Variants in ADAMTS18 observed in about 807,000 individuals in gnomAD.
The protein encoded by ADAMTS18 is A disintegrin and metalloproteinase with thrombospondin motifs 18.
In ADAMTS18, 157 loss-of-function variants were observed where a neutral mutation model predicts 165.9. The observed-to-expected ratio is 0.95, with a 90% CI of 0.83 to 1.08. The LOEUF is 1.08. Among genes scored for constraint, ADAMTS18 ranks in the 50% least tolerant of loss-of-function variants. The probability of loss-of-function intolerance (pLI) is 0.00; values close to 1 mark genes in which losing one functional copy is unlikely to be tolerated. For missense variants in ADAMTS18, 2,040 were observed against 1,534.0 expected (o/e 1.33, Z -5.51); for synonymous variants, 782 against 578.2 (o/e 1.35, Z -5.06).
At chr16:77,413,966 T>C (rs975636977) in intron 3 of ADAMTS18, among the ~76,000 whole-genome samples, 1 of 152,184 alleles carries the variant, frequency 6.6e-6, no homozygotes, top group African/African-American at 2.4e-5. Flanking sequence ...AATTCAGTTT[T>C]TGCCATCAGA....
chr16:77,403,009 C>T (rs2057350260), intron 3 of ADAMTS18, among the ~76,000 whole-genome samples: 1 of 152,184 alleles, frequency 6.6e-6, no homozygotes, highest in Admixed American at 6.5e-5. Context: ...CCATAAATTA[C>T]AACAAACAGT....
At chr16:77,370,658 G>C (rs530456333) in intron 3 of ADAMTS18, among the ~76,000 whole-genome samples, 35 of 152,280 alleles carry the variant, frequency 2.3e-4, no homozygotes, top group Middle Eastern at 6.8e-3. Context: ...GCTGAGACAG[G>C]AGAATCGCTT....
intron 7 of ADAMTS18, 81 bp from the exon 8 acceptor site, chr16:77,359,504 T>C: frequency 1.7e-6 from 2 of 1,206,714 alleles, no homozygotes; most frequent in East Asian, 4.9e-5. Flanking sequence ...CTCAAAATGT[T>C]CTACACAGTT....
intron 3 of ADAMTS18, among the ~76,000 whole-genome samples, chr16:77,391,021 T>C (rs1423012524): frequency 6.6e-6 from 1 of 152,160 alleles, no homozygotes; most frequent in African/African-American, 2.4e-5. Context: ...CTCTATCCAA[T>C]CTCAATTGTG....
intron 3 of ADAMTS18, among the ~76,000 whole-genome samples, chr16:77,379,661 T>C (rs1361591302): frequency 6.6e-6 from 1 of 152,124 alleles, no homozygotes; most frequent in Non-Finnish European, 1.5e-5. Flanking sequence ...GCTAATATTT[T>C]GTATTTTTTG....
chr16:77,332,063 G>A (rs901048494), intron 12 of ADAMTS18, among the ~76,000 whole-genome samples: 9 of 152,116 alleles, frequency 5.9e-5, no homozygotes, highest in African/African-American at 1.9e-4. Flanking sequence ...TAACTCAGTT[G>A]ACATAGGTAC....
rs921872189 is a variant in ADAMTS18 at position 77,336,435 on chromosome 16, A to T, written c.1711-531T>A. ...ATAAAATAGATACAATTACACATAC[A>T]TTATATTTTTGCTTATTCCAAACCC... On this transcript the variant is annotated intron_variant, in intron 11 of 22. Transcript: ENST00000282849. Among the ~76,000 whole-genome samples the T allele has an allele frequency of 6.2e-4, 95 of 152,200 alleles. 1 individual carries two copies. Among genetic ancestry groups the T allele is most frequent in the Non-Finnish European group, 1.0e-4 (7 of 68,030 alleles).
chr16:77,371,376 T>A (rs1388518688), intron 3 of ADAMTS18, among the ~76,000 whole-genome samples: 1 of 151,966 alleles, frequency 6.6e-6, no homozygotes. Flanking sequence ...TTACTCAACT[T>A]TGAAATATAC....
intron 16 of ADAMTS18, among the ~76,000 whole-genome samples, 172 bp downstream of exon 16, chr16:77,319,677 A>C (rs2144636195): frequency 6.6e-6 from 1 of 152,240 alleles, no homozygotes; most frequent in Non-Finnish European, 1.5e-5. Flanking sequence ...TCCTGCCCTC[A>C]GCTGATCCGC....
At chr16:77,390,479 C>G (rs150486066) in intron 3 of ADAMTS18, among the ~76,000 whole-genome samples, 1 of 152,046 alleles carries the variant, frequency 6.6e-6, no homozygotes, top group South Asian at 2.1e-4. Flanking sequence ...ATCACAAGGT[C>G]AGGAGTTTGA....
intron 3 of ADAMTS18, among the ~76,000 whole-genome samples, chr16:77,385,815 T>A (rs1645371531): frequency 6.6e-6 from 1 of 152,282 alleles, no homozygotes; most frequent in Middle Eastern, 3.4e-3. Flanking sequence ...TCCCAATTTT[T>A]TCTCAGTTAT....
At chr16:77,385,082 G>A (rs2057087936) in intron 3 of ADAMTS18, among the ~76,000 whole-genome samples, 1 of 151,686 alleles carries the variant, frequency 6.6e-6, no homozygotes, top group Non-Finnish European at 1.5e-5. Context: ...CTAATTTTTG[G>A]ATTTTCAGTA....
At chr16:77,402,940 G>A (rs1030542931) in intron 3 of ADAMTS18, among the ~76,000 whole-genome samples, 1 of 152,128 alleles carries the variant, frequency 6.6e-6, no homozygotes, top group African/African-American at 2.4e-5. Flanking sequence ...AAATACACAT[G>A]GAGCAACTGC....
At chr16:77,432,432 G>C (rs1447505373) in intron 2 of ADAMTS18, 2 of 152,160 alleles carry the variant, frequency 1.3e-5, no homozygotes, top group Non-Finnish European at 2.9e-5. Context: ...CTGCTCCCTA[G>C]AGCAGTACTA....
rs189842978 is a variant in ADAMTS18, at chr16:77,400,516, C to G, written c.495+30779G>C. Among the ~76,000 whole-genome samples, 90 of 146,812 alleles carry G rather than the reference C, an allele frequency of 6.1e-4. 1 individual carries two copies. Among genetic ancestry groups the G allele is most frequent in the African/African-American group, 2.0e-3 (80 of 39,720 alleles). On this transcript the variant is annotated intron_variant, in intron 3 of 22. Transcript: ENST00000282849. The stretch of plus-strand genomic sequence containing the variant: ...TTTTTTTTTGAGACGGAGTCTCGCT[C>G]TGTCGCCCAGGCTGGAGCGCAGTGG...
chr16:77,329,932 T>A lies in ADAMTS18; in HGVS notation c.1860-3894A>T, dbSNP rs147334815. ...CCATCATTTGCTTCTGCATCATTTA[T>A]CAAGTCCTGACTACAAATAGTTACA... On this transcript the variant is annotated intron_variant, in intron 12 of 22. Coordinates refer to ENST00000282849, the MANE Select transcript of ADAMTS18 (RefSeq NM_199355.4). Among the ~76,000 whole-genome samples the A allele has an allele frequency of 2.3e-3, 355 of 152,330 alleles. 4 individuals carry two copies. Among genetic ancestry groups the A allele is most frequent in the African/African-American group, 7.4e-3 (306 of 41,578 alleles).
At chr16:77,367,296 G>C (rs1597179679) in intron 4 of ADAMTS18, 145 bp downstream of exon 4, 2 of 840,030 alleles carry the variant, frequency 2.4e-6, no homozygotes. Context: ...GCATTTGCCT[G>C]AGAGAGATAA....
At position 77,434,627 on chromosome 16, in the gene ADAMTS18, C is replaced by T. The variant is rs538542269; in HGVS notation, c.69G>A (p.Ala23=). The stretch of plus-strand genomic sequence containing the variant: ...CTGCCTTGGCCACGCGCCCCAGTCC[C>T]GCCAGGCCCCTCGGCGGGCCCGAAC... ...AAGSGPPRGL[A]GLGRVAKALQ... The change falls in exon 1 of 23, where the codon GCG becomes GCA. Residue 23 remains alanine (A), a synonymous_variant. Coordinates refer to ENST00000282849, the MANE Select transcript of ADAMTS18 (RefSeq NM_199355.4). 3.5e-4 allele frequency: 523 copies of T among 1,492,014 alleles called. No individual in the cohort carries two copies. The highest frequency in any genetic ancestry group is 4.4e-4 in the Non-Finnish European group (496 of 1,128,336). 92.4% of individuals were successfully genotyped at this position (1,492,014 alleles called of 1,614,324 possible).
chr16:77,305,488 G>A (rs912565528), intron 16 of ADAMTS18, among the ~76,000 whole-genome samples: 1 of 152,206 alleles, frequency 6.6e-6, no homozygotes, highest in Non-Finnish European at 1.5e-5. Context: ...GACAGTGACA[G>A]TGAAGCATTA....
Sources: allele counts gnomAD v4.1 joint callset (sites outside exome capture counted in the v4.1 genomes callset), GRCh38; gene constraint gnomAD v4.1.1; transcripts MANE v1.5; gene names NCBI Gene and HGNC (gene_info 2026-07-23, HGNC 2026-07-21).